Variants in CORO7 observed in about 807,000 individuals in gnomAD.
CORO7 encodes the protein coronin-7.
Under a neutral mutation model 126.6 loss-of-function variants are expected in CORO7, and 107 were observed. The observed-to-expected ratio is 0.85, with a 90% CI of 0.72 to 0.99. The LOEUF (loss-of-function observed/expected upper bound fraction) is 0.99. CORO7 is among the 50% of genes least tolerant of loss of function. The probability of loss-of-function intolerance (pLI) is 0.00; values close to 1 mark genes in which losing one functional copy is unlikely to be tolerated. For missense variants in CORO7, 1,314 were observed against 1,255.8 expected (o/e 1.05, Z -0.70); for synonymous variants, 603 against 536.8 (o/e 1.12, Z -1.70).
intron 6 of CORO7, among the ~76,000 whole-genome samples, chr16:4,400,696 T>C (rs533315775): frequency 5.1e-4 from 77 of 151,898 alleles, no homozygotes; most frequent in South Asian, 3.5e-3. Flanking sequence ...GGCACGTGCC[T>C]GTAGTCCTAA....
chr16:4,361,792 C>T (rs2054188341), intron 16 of CORO7, 193 bp downstream of exon 16: 6 of 972,006 alleles, frequency 6.2e-6, no homozygotes, highest in Non-Finnish European at 9.5e-6. Context: ...CTCTGTGCCT[C>T]TTCTCCCTCA....
In CORO7 at chr16:4,412,003, C is replaced by A. The variant is rs1259107773; in HGVS notation, c.232+353G>T. Among the ~76,000 whole-genome samples the A allele has an allele frequency of 4.6e-5, 7 of 152,070 alleles. No individual in the cohort carries two copies. The East Asian group carries it at 1.4e-3, about 30-fold the overall frequency. On this transcript the variant is annotated intron_variant, in intron 3 of 27. Transcript: ENST00000251166. ...CCGAGCGGCTGGGCTGGGGAGGATG[C>A]CTGGTGGAGAGGGGACTCCAGCAGA...
intron 9 of CORO7, among the ~76,000 whole-genome samples, chr16:4,384,747 G>A (rs1478195216): frequency 6.6e-6 from 1 of 152,206 alleles, no homozygotes; most frequent in Non-Finnish European, 1.5e-5. Flanking sequence ...GTGGGCCTGG[G>A]TGGGGCCCCT....
At position 4,362,500 on chromosome 16, in the gene CORO7, G is replaced by A; in HGVS notation, c.1402+112C>T. ...CCCTGCCAGTGAGTCTGGGTGAGGG[G>A]GGTGCCCTGCATGAGGCCTGTGCTC... is the stretch of plus-strand genomic sequence containing the variant. On this transcript the variant is annotated intron_variant, in intron 15 of 27. Coordinates refer to ENST00000251166, the MANE Select transcript of CORO7 (RefSeq NM_024535.5). The surrounding 1 kb of genome is among the most constrained non-coding windows in gnomAD (Gnocchi z 5.3). 1.4e-6 allele frequency: 2 copies of A among 1,443,944 alleles called. No homozygotes were observed. The highest frequency in any genetic ancestry group is 1.6e-5 in the South Asian group (1 of 63,728). 89.4% of individuals were successfully genotyped at this position (1,443,944 alleles called of 1,614,324 possible).
rs751616145 is a variant in CORO7 at position 4,408,211 on chromosome 16, G to A, written c.273C>T (p.Phe91=). The change falls in exon 4 of 28, where the codon TTC becomes TTT. Residue 91 remains phenylalanine, a synonymous_variant. Transcript: ENST00000251166. ...TGTCAGCCGAGCCTGTGGCCAGGAG[G>A]AAGTCATCAAAGGGCGAGAAGTCCA... ...TDLDFSPFDD[F]LLATGSADRT... 6.2e-7 allele frequency: 1 copy of A among 1,614,240 alleles called. No homozygotes were observed. The highest frequency in any genetic ancestry group is 8.5e-7 in the Non-Finnish European group (1 of 1,180,042).
At position 4,395,299 on chromosome 16, in the gene CORO7, C is replaced by A. The variant is rs139943273; in HGVS notation, c.605G>T (p.Arg202Leu). The change falls in exon 7 of 28, where the codon CGG becomes CTG. Residue 202 changes from arginine (R) to leucine (L), a missense_variant. Physicochemically the swap from Arg to Leu is moderately radical, Grantham distance 102. Transcript: ENST00000251166. ...GCCCACACAACTCACCTGAGAGGCC[C>A]GCGGCTTTGTTCTGGGGTCAAAGAT... ...LRIFDPRTKP[R>L]ASQSTQAHEN... 4 of 1,614,074 alleles carry A rather than the reference C, an allele frequency of 2.5e-6. No homozygotes were observed. The highest frequency in any genetic ancestry group is 2.5e-6 in the Non-Finnish European group (3 of 1,180,022).
At chr16:4,406,381 C>T (rs551110699) in intron 5 of CORO7, among the ~76,000 whole-genome samples, 6 of 152,140 alleles carry the variant, frequency 3.9e-5, no homozygotes, top group Non-Finnish European at 8.8e-5. Flanking sequence ...CTGCAGCTTT[C>T]ACCTCCTGGG....
At chr16:4,415,215 G>A (rs942272008) in intron 1 of CORO7, among the ~76,000 whole-genome samples, 11 of 152,164 alleles carry the variant, frequency 7.2e-5, no homozygotes, top group African/African-American at 2.4e-4. Flanking sequence ...TTCTTCCGGT[G>A]GCCCTTGGGT....
chr16:4,388,343 A>G (rs946005344), intron 8 of CORO7, among the ~76,000 whole-genome samples: 1 of 152,074 alleles, frequency 6.6e-6, no homozygotes, highest in Non-Finnish European at 1.5e-5. Context: ...GGTCAGGCTG[A>G]GCTATTACAA....
At chr16:4,386,550 C>T (rs1190523433) in intron 9 of CORO7, among the ~76,000 whole-genome samples, 4 of 152,188 alleles carry the variant, frequency 2.6e-5, no homozygotes, top group Non-Finnish European at 4.4e-5. Context: ...AGATCCTAGA[C>T]GTGGAGTCTG....
chr16:4,364,679 A>G lies in CORO7; in HGVS notation c.1055T>C (p.Phe352Ser). 1 of 1,583,924 alleles carries G rather than the reference A, an allele frequency of 6.3e-7. No homozygotes were observed. Among genetic ancestry groups the G allele is most frequent in the Non-Finnish European group, 8.6e-7 (1 of 1,165,908 alleles). ...GYHVPRKAVE[F>S]HEDLFPDTAG... ...AGTGTCCGGGAACAGGTCCTCGTGG[A>G]ACTCCACAGCCTGGCCGCAGACAAG... Residue 352 changes from phenylalanine to serine, a missense_variant, in exon 13 of 28, where the codon TTC (phenylalanine) becomes TCC (serine). By Grantham distance (155) the Phe-to-Ser change is radical. Coordinates refer to ENST00000251166, the MANE Select transcript of CORO7 (RefSeq NM_024535.5).
chr16:4,415,625 C>A (rs1231620247), intron 1 of CORO7: 3 of 791,472 alleles, frequency 3.8e-6, no homozygotes, highest in Non-Finnish European at 4.6e-6. Context: ...AACCTCTACC[C>A]AGACTGCCCT....
chr16:4,402,948 G>C (rs2055866198), intron 6 of CORO7, among the ~76,000 whole-genome samples: 1 of 152,076 alleles, frequency 6.6e-6, no homozygotes, highest in Admixed American at 6.5e-5. Context: ...CTGGGAGGCA[G>C]ACCTGCTCAC....
At chr16:4,355,680 A>G in intron 26 of CORO7, 1 of 305,792 alleles carries the variant, frequency 3.3e-6, no homozygotes, top group South Asian at 4.7e-5. Flanking sequence ...CGTGTTAGCC[A>G]GGATGGTCTC....
intron 9 of CORO7, among the ~76,000 whole-genome samples, chr16:4,369,620 G>A (rs949373577): frequency 7.9e-5 from 12 of 152,162 alleles, no homozygotes; most frequent in Non-Finnish European, 1.3e-4. Context: ...AGCTCTCCCA[G>A]GACTCCTGTG....
Position 4,355,347 on chromosome 16 carries a change from A to G in CORO7, c.2711T>C (p.Leu904Pro), listed in dbSNP as rs200306416. The G allele has an allele frequency of 4.7e-5, 75 of 1,612,038 alleles. 1 individual carries two copies. In the East Asian group the frequency reaches 1.6e-3, roughly 35 times the overall value. Reference protein sequence around the residue: ...EELLNAMVAKLGNREDPLPQD... With the variant: ...EELLNAMVAKPGNREDPLPQD... The stretch of plus-strand genomic sequence containing the variant: ...GGGGAGTGGGTCCTCCCGGTTCCCC[A>G]GTTTTGCCACCATGGCATTCAGCAG... The change falls in exon 27 of 28, where the codon CTG becomes CCG. Residue 904 changes from leucine to proline, a missense_variant. Coordinates refer to ENST00000251166, the MANE Select transcript of CORO7 (RefSeq NM_024535.5).
At chr16:4,383,333 A>G in intron 9 of CORO7, 1 of 192,696 alleles carries the variant, frequency 5.2e-6, no homozygotes, top group Non-Finnish European at 1.2e-5. Flanking sequence ...AAGCGAAGGA[A>G]CAAAAGAAAC....
At chr16:4,404,352 T>A (rs886442669) in intron 6 of CORO7, among the ~76,000 whole-genome samples, 47 of 152,274 alleles carry the variant, frequency 3.1e-4, no homozygotes, top group African/African-American at 1.1e-3. Context: ...CACGGCCGCC[T>A]CCCTGGGGAA....
intron 9 of CORO7, among the ~76,000 whole-genome samples, chr16:4,384,606 C>T (rs893002243): frequency 3.3e-5 from 5 of 152,180 alleles, no homozygotes; most frequent in African/African-American, 9.7e-5. Context: ...CCCCGTGGCG[C>T]GGGTGTTGAT....
Sources: gnomAD v4.1 joint callset for allele counts (sites outside exome capture counted in the v4.1 genomes callset) on GRCh38, gnomAD v4.1.1 for gene constraint, Gnocchi (gnomAD v3.1) non-coding constraint, MANE v1.5 for transcripts, NCBI Gene and HGNC (gene_info 2026-07-23, HGNC 2026-07-21) for gene names.